Variants in MPP3 observed in about 807,000 individuals in gnomAD.
MPP3 encodes MAGUK p55 subfamily member 3.
MPP3 carries 48 observed loss-of-function variants against 80.7 expected under a neutral mutation model. The observed-to-expected ratio is 0.59, with a 90% CI of 0.47 to 0.76. The LOEUF (loss-of-function observed/expected upper bound fraction) is 0.76. MPP3 is among the 30% of genes least tolerant of loss of function. The probability of loss-of-function intolerance (pLI) is 0.00; values close to 1 mark genes in which losing one functional copy is unlikely to be tolerated. For missense variants in MPP3, 620 were observed against 763.0 expected (o/e 0.81, Z 2.21); for synonymous variants, 311 against 297.6 (o/e 1.04, Z -0.46).
chr17:43,820,603 A>ATACACACACACACAC (rs1264169757), intron 11 of MPP3, among the ~76,000 whole-genome samples: 37 of 127,604 alleles, frequency 2.9e-4, no homozygotes, highest in African/African-American at 1.3e-3. Flanking sequence ...AAAAAAAAAA[A>ATACACACACACACAC]ATACACACAC....
In MPP3 at chr17:43,830,027, C is replaced by T; in HGVS notation, c.303G>A (p.Arg101=). The change falls in exon 6 of 20, where the codon AGG becomes AGA. Residue 101 remains arginine, a splice_region_variant and synonymous_variant. Transcript: ENST00000398389. Reference sequence around the variant, plus strand: ...CTGGGCAGGGGCTCTGTGTGACTACCCTCAGGTGCGGGGTGGACAGCAGCT... The same window carrying T: ...CTGGGCAGGGGCTCTGTGTGACTACTCTCAGGTGCGGGGTGGACAGCAGCT... ...LLQLLSTPHL[R]AVLMVHDTVA... is the part of the protein sequence containing the mutation. The T allele has an allele frequency of 6.2e-7, 1 of 1,603,928 alleles. No homozygotes were observed. Among genetic ancestry groups the T allele is most frequent in the Non-Finnish European group, 8.5e-7 (1 of 1,176,392 alleles).
At chr17:43,817,054 T>G (rs2045179514) in intron 12 of MPP3, among the ~76,000 whole-genome samples, 1 of 152,162 alleles carries the variant, frequency 6.6e-6, no homozygotes, top group Non-Finnish European at 1.5e-5. Flanking sequence ...CCACTCTCTC[T>G]TTTCTGGGGT....
In MPP3 at chr17:43,818,249, T is replaced by G. The variant is rs2045252131; in HGVS notation, c.882-139A>C. On this transcript the variant is annotated intron_variant, in intron 11 of 19. Coordinates refer to ENST00000398389, the MANE Select transcript of MPP3 (RefSeq NM_001932.6). ...ACTGGACACTCTGAGGGCCTCCTGC[T>G]TAGCACTAAGTTCCAACGAAGGGAA... The G allele has an allele frequency of 9.8e-6, 6 of 610,772 alleles. No individual in the cohort carries two copies. In the South Asian group the frequency reaches 1.9e-4, roughly 19 times the overall value. The allele number at this position is 610,772 out of a possible 1,614,324, so 37.8% of individuals were successfully genotyped here. A position where few individuals can be genotyped will look rare whatever the true frequency, so the allele number is the denominator to read the frequency against.
At chr17:43,817,901 AC>A in intron 12 of MPP3, 144 bp downstream of exon 12, 1 of 155,256 alleles carries the variant, frequency 6.4e-6, no homozygotes. Context: ...CCTACTTCCC[AC>A]CCCCTCCTTC....
intron 13 of MPP3, 103 bp downstream of exon 13, chr17:43,816,574 G>C (rs537946919): frequency 1.2e-3 from 1,344 of 1,084,188 alleles, no homozygotes; most frequent in Non-Finnish European, 1.7e-3. Context: ...CAGTGGGAGG[G>C]GCACAGCTGC....
Position 43,823,459 on chromosome 17 carries a change from A to G in MPP3, c.684+472T>C, listed in dbSNP as rs149565287. Among the ~76,000 whole-genome samples, 198 of 152,296 alleles carry G rather than the reference A, an allele frequency of 1.3e-3. 1 individual carries two copies. Among genetic ancestry groups the G allele is most frequent in the African/African-American group, 4.5e-3 (185 of 41,572 alleles). On this transcript the variant is annotated intron_variant, in intron 10 of 19. Transcript: ENST00000398389. Reference sequence around the variant, plus strand: ...AACTCTTTGTACAGAATCTTGGCAAAGCACTTATCACATAGCAATGAAAGA... The same window carrying G: ...AACTCTTTGTACAGAATCTTGGCAAGGCACTTATCACATAGCAATGAAAGA...
rs1205378851 is a variant in MPP3 at position 43,801,762 on chromosome 17, T to C, written c.1697A>G (p.Lys566Arg). 6 of 1,614,140 alleles carry C rather than the reference T, an allele frequency of 3.7e-6. No homozygotes were observed. The highest frequency in any genetic ancestry group is 3.3e-5 in the South Asian group (3 of 91,080). The change falls in exon 20 of 20, where the codon AAA (lysine) becomes AGA (arginine). Residue 566 changes from lysine (K) to arginine (R), a missense_variant. Physicochemically the swap from Lys to Arg is conservative, Grantham distance 26. Transcript: ENST00000398389. ...EDLQGAYSQL[K>R]VVLEKLSKDT... ...CTTGCTCAGCTTCTCTAAGACCACT[T>C]TGAGCTGGCTGTAGGCACCCTGGAG...
chr17:43,824,633 T>TC (rs1316224975), intron 9 of MPP3, among the ~76,000 whole-genome samples: 2 of 152,022 alleles, frequency 1.3e-5, no homozygotes, highest in Non-Finnish European at 2.9e-5. Context: ...TCCTGGCCTC[T>TC]CCACTACCCA....
chr17:43,813,326 G>T (rs1480678162), intron 16 of MPP3, among the ~76,000 whole-genome samples: 1 of 152,156 alleles, frequency 6.6e-6, no homozygotes, highest in Non-Finnish European at 1.5e-5. Context: ...TGCCACACAA[G>T]ATGATAACAA....
At chr17:43,802,727 G>A (rs56122205) in intron 19 of MPP3, among the ~76,000 whole-genome samples, 6,900 of 152,174 alleles carry the variant, frequency 0.045, 527 homozygotes, top group African/African-American at 0.16. Context: ...AAAATTTGTC[G>A]CTGGCATTCA....
intron 9 of MPP3, among the ~76,000 whole-genome samples, chr17:43,824,548 C>CCTGTA (rs148786061): frequency 0.017 from 2,625 of 152,206 alleles, 73 homozygotes; most frequent in African/African-American, 0.061. Context: ...CTACAGAGAC[C>CCTGTA]CTGTAGCCCA....
intron 16 of MPP3, among the ~76,000 whole-genome samples, chr17:43,812,768 C>T (rs1013540822): frequency 4.6e-5 from 7 of 152,180 alleles, no homozygotes; most frequent in Non-Finnish European, 7.3e-5. Flanking sequence ...GGGTTCTGAA[C>T]GATCAGTGTG....
At position 43,827,327 on chromosome 17, in the gene MPP3, T is replaced by TGC. The variant is rs1351213416; in HGVS notation, c.523+423_523+424insGC. ...CACTGTGCCTGGCTTTTTTTTTTTT[T>TGC]TCTTTTTTTTTTTTTTTTGAGACAG... is the stretch of plus-strand genomic sequence containing the variant. On this transcript the variant is annotated intron_variant, in intron 8 of 19. Coordinates refer to ENST00000398389, the MANE Select transcript of MPP3 (RefSeq NM_001932.6). Among the ~76,000 whole-genome samples, 441 of 143,668 alleles carry TGC rather than the reference T, an allele frequency of 3.1e-3. 4 individuals are homozygous for TGC. Among genetic ancestry groups the TGC allele is most frequent in the Middle Eastern group, 0.011 (3 of 278 alleles). The allele number at this position is 143,668 out of a possible 152,430, so 94.3% of individuals were successfully genotyped here.
At chr17:43,828,260 G>A (rs984283916) in intron 7 of MPP3, among the ~76,000 whole-genome samples, 1 of 152,130 alleles carries the variant, frequency 6.6e-6, no homozygotes, top group Non-Finnish European at 1.5e-5. Flanking sequence ...CAGGGTTACC[G>A]GGCCTTCTGC....
At chr17:43,829,470 G>A (rs1243621106) in intron 7 of MPP3, among the ~76,000 whole-genome samples, 184 bp downstream of exon 7, 1 of 152,122 alleles carries the variant, frequency 6.6e-6, no homozygotes, top group African/African-American at 2.4e-5. Flanking sequence ...CAGTTGAGAG[G>A]GGCTGTATCC....
intron 8 of MPP3, 48 bp downstream of exon 8, chr17:43,827,703 C>A (rs2045777180): frequency 6.3e-7 from 1 of 1,584,900 alleles, no homozygotes; most frequent in African/African-American, 1.3e-5. Flanking sequence ...GGCTCTGGAA[C>A]AATGGCCATG....
chr17:43,814,493 T>A, intron 14 of MPP3, 132 bp from the exon 15 acceptor site: 3 of 812,852 alleles, frequency 3.7e-6, no homozygotes, highest in Non-Finnish European at 5.6e-6. Flanking sequence ...AACCTCCTCC[T>A]GCTACTGGAA....
chr17:43,816,711 A>C lies in MPP3; in HGVS notation c.947-14T>G, dbSNP rs774061662. On this transcript the variant is annotated splice_polypyrimidine_tract_variant and intron_variant, in intron 12 of 19. Transcript: ENST00000398389. ...AAGGCTGATCATCTGCGGTTTGCACAAAAGACAGATGGAACAGCATTAGTG... is the reference window on the plus strand; with the variant it reads ...AAGGCTGATCATCTGCGGTTTGCACCAAAGACAGATGGAACAGCATTAGTG... The C allele has an allele frequency of 1.5e-5, 24 of 1,573,112 alleles. No individual in the cohort carries two copies. Among genetic ancestry groups the C allele is most frequent in the Non-Finnish European group, 1.9e-5 (22 of 1,158,516 alleles).
In MPP3 at chr17:43,810,818, C is replaced by T. The variant is rs191293365; in HGVS notation, c.1447G>A (p.Val483Met). 30 of 1,606,460 alleles carry T rather than the reference C, an allele frequency of 1.9e-5. No homozygotes were observed. In the Admixed American group the frequency reaches 2.2e-4, roughly 12 times the overall value. The change falls in exon 18 of 20, where the codon GTG (valine) becomes ATG (methionine). Residue 483 changes from valine to methionine, a missense_variant. Transcript: ENST00000398389. ...GCCCAGCAACTCACTTCTGGCTCCACATCCACCAAACAAACTTTGTTTTTG... is the reference window on the plus strand; with the variant it reads ...GCCCAGCAACTCACTTCTGGCTCCATATCCACCAAACAAACTTTGTTTTTG... The part of the protein sequence containing the change: ...MAKNKVCLVD[V>M]EPEALKQLRT...
Sources: gnomAD v4.1 joint callset for allele counts (sites outside exome capture counted in the v4.1 genomes callset) on GRCh38, gnomAD v4.1.1 for gene constraint, MANE v1.5 for transcripts, NCBI Gene and HGNC (gene_info 2026-07-23, HGNC 2026-07-21) for gene names.